MSRA: variants seen among roughly 807,000 people sequenced by gnomAD.
MSRA encodes mitochondrial peptide methionine sulfoxide reductase.
Under a neutral mutation model 31.3 loss-of-function variants are expected in MSRA, and 54 were observed. The ratio of observed to expected loss-of-function variants is 1.73; its 90% CI spans 1.39 to 2.17. The LOEUF (loss-of-function observed/expected upper bound fraction) is 2.17. Among genes scored for constraint, MSRA ranks in the 30% most tolerant of loss-of-function variants. The pLI, the probability that MSRA is intolerant of heterozygous loss-of-function variation, is 0.00. For missense variants in MSRA, 507 were observed against 300.9 expected (o/e 1.69, Z -5.07); for synonymous variants, 169 against 116.5 (o/e 1.45, Z -2.90).
chr8:10,188,887 A>G (rs973965143), intron 1 of MSRA, among the ~76,000 whole-genome samples: 3 of 152,224 alleles, frequency 2.0e-5, no homozygotes, highest in Non-Finnish European at 2.9e-5. Flanking sequence ...TTTAGAGTCA[A>G]TTCATCAATG....
At chr8:10,392,210 G>A (rs1280489390) in intron 5 of MSRA, among the ~76,000 whole-genome samples, 1 of 152,188 alleles carries the variant, frequency 6.6e-6, no homozygotes, top group Non-Finnish European at 1.5e-5. Context: ...CATCTGGGCT[G>A]GCCAGACTCC....
chr8:10,162,337 G>A (rs1179191230), intron 1 of MSRA, among the ~76,000 whole-genome samples: 1 of 152,166 alleles, frequency 6.6e-6, no homozygotes, highest in Non-Finnish European at 1.5e-5. Flanking sequence ...TTCTCTCCTT[G>A]CACCATGGGA....
chr8:10,206,173 C>T (rs138410538), intron 1 of MSRA, among the ~76,000 whole-genome samples: 14 of 152,206 alleles, frequency 9.2e-5, no homozygotes, highest in Non-Finnish European at 1.5e-4. Flanking sequence ...GAGGCAAGAA[C>T]GAAAGGGCAG....
intron 4 of MSRA, among the ~76,000 whole-genome samples, chr8:10,308,524 C>G (rs1011176641): frequency 1.3e-5 from 2 of 152,208 alleles, no homozygotes; most frequent in African/African-American, 4.8e-5. Context: ...ACAAAACCAG[C>G]TGTGGCCCCC....
intron 1 of MSRA, among the ~76,000 whole-genome samples, chr8:10,185,886 T>C (rs1236304371): frequency 6.8e-6 from 1 of 146,844 alleles, no homozygotes; most frequent in Non-Finnish European, 1.5e-5. Flanking sequence ...ATAGGGGTAA[T>C]TTCCATTCAT....
intron 1 of MSRA, among the ~76,000 whole-genome samples, chr8:10,144,193 G>C (rs773782860): frequency 9.2e-5 from 14 of 152,098 alleles, no homozygotes; most frequent in Non-Finnish European, 1.8e-4. Flanking sequence ...CATGTTCTAG[G>C]TTAGGTGCAT....
intron 1 of MSRA, among the ~76,000 whole-genome samples, chr8:10,095,359 G>A (rs1047620178): frequency 1.3e-5 from 2 of 152,198 alleles, no homozygotes; most frequent in African/African-American, 4.8e-5. Flanking sequence ...AGGATACCAT[G>A]AAATCTGTAA....
intron 3 of MSRA, among the ~76,000 whole-genome samples, chr8:10,252,651 G>A (rs1261272626): frequency 6.6e-6 from 1 of 152,204 alleles, no homozygotes; most frequent in Non-Finnish European, 1.5e-5. Flanking sequence ...CCTGGCCTGG[G>A]CTGGGGACTG....
chr8:10,220,357 A>T (rs1810382630), intron 2 of MSRA, among the ~76,000 whole-genome samples: 1 of 152,150 alleles, frequency 6.6e-6, no homozygotes, highest in African/African-American at 2.4e-5. Context: ...GGATTCCAAC[A>T]TTCATGATAA....
intron 1 of MSRA, among the ~76,000 whole-genome samples, chr8:10,066,838 C>T (rs796237430): frequency 1.7e-4 from 26 of 151,614 alleles, no homozygotes; most frequent in African/African-American, 6.3e-4. Flanking sequence ...CCTGGCTCAG[C>T]TGGTATATCT....
chr8:10,139,522 G>T (rs1802526441), intron 1 of MSRA, among the ~76,000 whole-genome samples: 2 of 152,078 alleles, frequency 1.3e-5, no homozygotes, highest in African/African-American at 4.8e-5. Context: ...CCCTCATCCT[G>T]CTTCCACCCT....
At chr8:10,286,324 G>A (rs1489502694) in intron 3 of MSRA, among the ~76,000 whole-genome samples, 2 of 152,122 alleles carry the variant, frequency 1.3e-5, no homozygotes, top group Admixed American at 6.6e-5. Flanking sequence ...CATGGGGGCA[G>A]GTCTTTCTGG....
chr8:10,391,247 T>C (rs1462115842), intron 5 of MSRA, among the ~76,000 whole-genome samples: 1 of 152,328 alleles, frequency 6.6e-6, no homozygotes, highest in Admixed American at 6.5e-5. Flanking sequence ...AAAAGAGGTT[T>C]ATTTCTCATT....
chr8:10,386,888 A>C (rs1356712649), intron 5 of MSRA, among the ~76,000 whole-genome samples: 3 of 152,018 alleles, frequency 2.0e-5, no homozygotes, highest in African/African-American at 4.8e-5. Flanking sequence ...AAAAAAAAAA[A>C]AAAACAGTCT....
intron 1 of MSRA, among the ~76,000 whole-genome samples, chr8:10,152,682 C>T (rs1164370086): frequency 6.6e-6 from 1 of 152,116 alleles, no homozygotes; most frequent in Non-Finnish European, 1.5e-5. Context: ...AAGCGCTGCC[C>T]ATTCTGAAGG....
intron 1 of MSRA, among the ~76,000 whole-genome samples, chr8:10,185,203 G>C (rs967848001): frequency 6.6e-6 from 1 of 152,176 alleles, no homozygotes; most frequent in African/African-American, 2.4e-5. Context: ...TGGTGACTGA[G>C]GGACAGCTGT....
chr8:10,110,115 A>G (rs1800174540), intron 1 of MSRA, among the ~76,000 whole-genome samples: 1 of 152,158 alleles, frequency 6.6e-6, no homozygotes, highest in Non-Finnish European at 1.5e-5. Flanking sequence ...GCCTCTGCCC[A>G]GCGTTCTGAC....
chr8:10,231,404 A>G (rs1466538779), intron 2 of MSRA, among the ~76,000 whole-genome samples: 2 of 152,194 alleles, frequency 1.3e-5, no homozygotes, highest in African/African-American at 2.4e-5. Flanking sequence ...GACAGAAGAT[A>G]TTGGCTTGGT....
At chr8:10,194,764 G>C (rs947204587) in intron 1 of MSRA, among the ~76,000 whole-genome samples, 1 of 152,186 alleles carries the variant, frequency 6.6e-6, no homozygotes, top group African/African-American at 2.4e-5. Context: ...TAAGCATGAG[G>C]CTGATCAGAG....
Sources: allele counts gnomAD v4.1 joint callset (sites outside exome capture counted in the v4.1 genomes callset), GRCh38; gene constraint gnomAD v4.1.1; transcripts MANE v1.5; gene names NCBI Gene and HGNC (gene_info 2026-07-23, HGNC 2026-07-21).